NFIB: variants seen among roughly 807,000 people sequenced by gnomAD.
The protein encoded by NFIB is nuclear factor I B.
A neutral mutation model predicts 61.5 loss-of-function variants in NFIB; 11 were observed. That is an observed-to-expected ratio of 0.18 (90% CI 0.11 to 0.30). The LOEUF is 0.30. Ranked by LOEUF, NFIB falls within the 10% of genes least tolerant of loss-of-function variation. The pLI is 1.00. For missense variants in NFIB, 471 were observed against 608.9 expected, an observed-to-expected ratio of 0.77 and a Z score of 2.38; for synonymous variants, 260 against 216.5, an observed-to-expected ratio of 1.20 and a Z score of -1.76.
At chr9:14,200,469 C>T (rs572699286) in intron 2 of NFIB, among the ~76,000 whole-genome samples, 4 of 152,336 alleles carry the variant, frequency 2.6e-5, no homozygotes, top group Non-Finnish European at 5.9e-5. Context: ...TCATGCCCAA[C>T]ACTAGCTCTC....
At chr9:14,412,546 C>T in the NFIB span, among the ~76,000 whole-genome samples, 4 of 152,220 alleles carry the variant, frequency 2.6e-5, no homozygotes, top group South Asian at 4.1e-4. Context: ...CTCCCTACAA[C>T]CCTCGCAAAT....
intron 3 of NFIB, among the ~76,000 whole-genome samples, chr9:14,176,280 G>C (rs1429271802): frequency 7.1e-6 from 1 of 141,020 alleles, no homozygotes; most frequent in African/African-American, 2.6e-5. Flanking sequence ...AAAAAACAAA[G>C]AAGAAGAAGT....
At chr9:14,353,223 G>C (rs965115217) in intron 1 of NFIB, among the ~76,000 whole-genome samples, 5 of 152,156 alleles carry the variant, frequency 3.3e-5, no homozygotes, top group African/African-American at 7.2e-5. Context: ...CAGGCCGCGT[G>C]AGCTTCCCAG....
At chr9:14,228,699 C>A (rs1298721208) in intron 2 of NFIB, among the ~76,000 whole-genome samples, 1 of 152,096 alleles carries the variant, frequency 6.6e-6, no homozygotes, top group Non-Finnish European at 1.5e-5. Context: ...CCTTTCTAGC[C>A]AGGCTTTACC....
chr9:14,130,728 G>C (rs185180595), intron 6 of NFIB, among the ~76,000 whole-genome samples: 1 of 152,006 alleles, frequency 6.6e-6, no homozygotes, highest in Admixed American at 6.6e-5. Context: ...AGCAGGCACC[G>C]TGTCTAGGCA....
chr9:14,464,451 T>G, the NFIB span, among the ~76,000 whole-genome samples: 1 of 152,120 alleles, frequency 6.6e-6, no homozygotes, highest in African/African-American at 2.4e-5. Flanking sequence ...TGGAAAACAT[T>G]AGGGAAGGCT....
intron 2 of NFIB, among the ~76,000 whole-genome samples, chr9:14,232,779 T>C (rs934734632): frequency 2.6e-5 from 4 of 152,138 alleles, no homozygotes; most frequent in African/African-American, 9.6e-5. Flanking sequence ...CAAGTTCTTA[T>C]AATGAGTTGA....
chr9:14,380,511 G>A (rs1467557786), intron 1 of NFIB, among the ~76,000 whole-genome samples: 1 of 152,100 alleles, frequency 6.6e-6, no homozygotes, highest in Non-Finnish European at 1.5e-5. Flanking sequence ...AGAAAACAAG[G>A]AAGTCACATA....
At chr9:14,471,839 T>C in the NFIB span, among the ~76,000 whole-genome samples, 1 of 152,202 alleles carries the variant, frequency 6.6e-6, no homozygotes, top group Non-Finnish European at 1.5e-5. Flanking sequence ...GTTTCCCAGT[T>C]GGGACAAACA....
the NFIB span, among the ~76,000 whole-genome samples, chr9:14,437,451 TG>T: frequency 6.6e-6 from 1 of 152,188 alleles, no homozygotes; most frequent in African/African-American, 2.4e-5. Flanking sequence ...TTCCTGCTTG[TG>T]CGGGACATTA....
chr9:14,501,032 A>G, the NFIB span, among the ~76,000 whole-genome samples: 1 of 152,234 alleles, frequency 6.6e-6, no homozygotes, highest in African/African-American at 2.4e-5. Context: ...CCAAATTTAG[A>G]CCCACTCTGA....
At chr9:14,459,810 G>A in the NFIB span, among the ~76,000 whole-genome samples, 52,727 of 148,752 alleles carry the variant, frequency 0.35, 10,292 homozygotes, top group Admixed American at 0.48. Context: ...AATCAAAACC[G>A]CAATGAGATA....
At chr9:14,406,957 T>C in the NFIB span, among the ~76,000 whole-genome samples, 1 of 152,230 alleles carries the variant, frequency 6.6e-6, no homozygotes, top group African/African-American at 2.4e-5. Flanking sequence ...TGAGATATCA[T>C]GGTTTATCTG....
the NFIB span, among the ~76,000 whole-genome samples, chr9:14,428,296 T>C: frequency 6.6e-6 from 1 of 152,102 alleles, no homozygotes; most frequent in African/African-American, 2.4e-5. Flanking sequence ...CAAGTGGAGT[T>C]CCAGAATTTG....
intron 2 of NFIB, among the ~76,000 whole-genome samples, chr9:14,257,081 G>T (rs1031467915): frequency 6.6e-6 from 1 of 152,174 alleles, no homozygotes; most frequent in South Asian, 2.1e-4. Flanking sequence ...AGCACCCAAG[G>T]CTTTAAAGCC....
intron 4 of NFIB, among the ~76,000 whole-genome samples, chr9:14,151,962 C>T (rs1427498725): frequency 6.6e-6 from 1 of 151,906 alleles, no homozygotes; most frequent in Non-Finnish European, 1.5e-5. Context: ...TTTTCTTACC[C>T]CTCATTTTTA....
At chr9:14,474,679 G>C in the NFIB span, among the ~76,000 whole-genome samples, 3 of 152,114 alleles carry the variant, frequency 2.0e-5, no homozygotes, top group African/African-American at 7.2e-5. Context: ...TAAACAAAAC[G>C]AGTTATGCAC....
chr9:14,429,954 A>C, the NFIB span, among the ~76,000 whole-genome samples: 1 of 152,252 alleles, frequency 6.6e-6, no homozygotes, highest in East Asian at 1.9e-4. Flanking sequence ...TGACTAATTT[A>C]CTTTGAATTC....
chr9:14,530,967 T>C, the NFIB span, among the ~76,000 whole-genome samples: 1 of 152,144 alleles, frequency 6.6e-6, no homozygotes, highest in African/African-American at 2.4e-5. Context: ...ATGAACCCAA[T>C]GACGAATTTA....
Sources: allele counts gnomAD v4.1 joint callset (sites outside exome capture counted in the v4.1 genomes callset), GRCh38; gene constraint gnomAD v4.1.1; transcripts MANE v1.5; gene names NCBI Gene and HGNC (gene_info 2026-07-23, HGNC 2026-07-21).